The following DCC variants were observed in gnomAD, a reference collection of about 807,000 sequenced individuals.
The protein encoded by DCC is netrin receptor DCC.
In DCC, 58 loss-of-function variants were observed where a neutral mutation model predicts 172.5. The observed-to-expected ratio is 0.34, with a 90% CI of 0.27 to 0.42. The LOEUF is 0.42. DCC is among the 10% of genes least tolerant of loss of function. The probability of loss-of-function intolerance (pLI) is 1.00; values close to 1 mark genes in which losing one functional copy is unlikely to be tolerated. For synonymous variants in DCC, 709 were observed against 644.5 expected (o/e 1.10, Z -1.52); for missense variants, 1,740 against 1,791.0 (o/e 0.97, Z 0.51).
chr18:52,824,458 T>C (rs1046117965), intron 2 of DCC, among the ~76,000 whole-genome samples: 2 of 152,172 alleles, frequency 1.3e-5, no homozygotes, highest in Non-Finnish European at 2.9e-5. Flanking sequence ...TGGGAAGTTA[T>C]GGCAAACATC....
intron 2 of DCC, among the ~76,000 whole-genome samples, chr18:52,782,191 A>G (rs2037557533): frequency 6.6e-6 from 1 of 152,112 alleles, no homozygotes; most frequent in African/African-American, 2.4e-5. Context: ...TAGAGAGAAT[A>G]TTTTCAAAGG....
At chr18:52,669,285 G>A (rs2035509937) in intron 1 of DCC, among the ~76,000 whole-genome samples, 1 of 152,226 alleles carries the variant, frequency 6.6e-6, no homozygotes, top group Non-Finnish European at 1.5e-5. Context: ...GATTTTGGGA[G>A]CAGTTTAGGG....
At chr18:53,184,650 T>C (rs1404098030) in intron 9 of DCC, among the ~76,000 whole-genome samples, 1 of 152,154 alleles carries the variant, frequency 6.6e-6, no homozygotes, top group East Asian at 1.9e-4. Context: ...AGGTAATGCA[T>C]TGCATTAGAA....
intron 2 of DCC, among the ~76,000 whole-genome samples, chr18:52,897,237 C>T (rs2039745039): frequency 6.6e-6 from 1 of 152,160 alleles, no homozygotes; most frequent in African/African-American, 2.4e-5. Context: ...GGACAAACCC[C>T]AAAGATGATT....
At chr18:52,890,847 G>A (rs2039638690) in intron 2 of DCC, among the ~76,000 whole-genome samples, 1 of 152,024 alleles carries the variant, frequency 6.6e-6, no homozygotes, top group Admixed American at 6.6e-5. Context: ...TTGCCTCAAA[G>A]GACACAAACT....
intron 5 of DCC, among the ~76,000 whole-genome samples, chr18:52,980,672 T>C (rs932027390): frequency 6.6e-6 from 1 of 152,116 alleles, no homozygotes; most frequent in Non-Finnish European, 1.5e-5. Context: ...AAGTACTAAA[T>C]ATTATGAAAA....
intron 7 of DCC, among the ~76,000 whole-genome samples, chr18:53,090,984 T>G (rs1009384485): frequency 6.6e-6 from 1 of 151,906 alleles, no homozygotes; most frequent in Non-Finnish European, 1.5e-5. Flanking sequence ...GGCAACTACA[T>G]TGTAACAGAG....
chr18:53,302,782 G>A (rs12968053), intron 12 of DCC, among the ~76,000 whole-genome samples: 21,233 of 151,984 alleles, frequency 0.14, 2,155 homozygotes, highest in African/African-American at 0.28. Flanking sequence ...TTCATGTTCT[G>A]TTGTTTTCTA....
At chr18:53,037,028 T>C (rs1026725470) in intron 5 of DCC, among the ~76,000 whole-genome samples, 1 of 151,952 alleles carries the variant, frequency 6.6e-6, no homozygotes, top group Non-Finnish European at 1.5e-5. Flanking sequence ...AAACATAGAA[T>C]TATTTTCATC....
intron 1 of DCC, among the ~76,000 whole-genome samples, chr18:52,678,157 C>G (rs2144984493): frequency 6.6e-6 from 1 of 152,214 alleles, no homozygotes; most frequent in East Asian, 1.9e-4. Flanking sequence ...AAACTCTGCC[C>G]TCCCTCTCAG....
chr18:53,269,511 T>C (rs2056723165), intron 12 of DCC, among the ~76,000 whole-genome samples: 2 of 152,122 alleles, frequency 1.3e-5, no homozygotes, highest in South Asian at 2.1e-4. Context: ...TTCTCCTGCA[T>C]GCAAAGAATA....
At chr18:53,527,609 G>C (rs1432636330) in intron 28 of DCC, among the ~76,000 whole-genome samples, 1 of 151,606 alleles carries the variant, frequency 6.6e-6, no homozygotes, top group African/African-American at 2.4e-5. Context: ...GACAGAAAAA[G>C]TTTTACTAAG....
chr18:53,378,221 A>T (rs1320750630), intron 15 of DCC, among the ~76,000 whole-genome samples: 1 of 152,140 alleles, frequency 6.6e-6, no homozygotes, highest in African/African-American at 2.4e-5. Context: ...TCAGCCTCCC[A>T]AAGTGCTGGA....
intron 5 of DCC, among the ~76,000 whole-genome samples, chr18:52,988,495 C>T (rs1469447461): frequency 1.3e-5 from 2 of 151,894 alleles, no homozygotes; most frequent in Non-Finnish European, 2.9e-5. Flanking sequence ...TGAGAGACTC[C>T]TCTATTGTGT....
chr18:52,988,315 G>C (rs2041328559), intron 5 of DCC, among the ~76,000 whole-genome samples: 2 of 151,800 alleles, frequency 1.3e-5, no homozygotes, highest in African/African-American at 2.4e-5. Flanking sequence ...ATTAAACAGA[G>C]ATAAAACAAA....
chr18:52,558,130 A>G (rs1239866576), intron 1 of DCC, among the ~76,000 whole-genome samples: 1 of 151,994 alleles, frequency 6.6e-6, no homozygotes, highest in Non-Finnish European at 1.5e-5. Context: ...CAGTTTCTTC[A>G]TGTAGACATA....
chr18:53,089,793 A>G (rs1599120553), intron 7 of DCC, among the ~76,000 whole-genome samples: 1 of 152,136 alleles, frequency 6.6e-6, no homozygotes, highest in African/African-American at 2.4e-5. Context: ...GAATTGTTTC[A>G]TTATCTCAAT....
chr18:53,038,286 A>G (rs1475527278), intron 5 of DCC, among the ~76,000 whole-genome samples: 1 of 151,970 alleles, frequency 6.6e-6, no homozygotes, highest in South Asian at 2.1e-4. Context: ...TACATATGTA[A>G]TAATTACTAT....
intron 1 of DCC, among the ~76,000 whole-genome samples, chr18:52,423,866 A>G (rs1221496969): frequency 2.6e-5 from 4 of 152,180 alleles, no homozygotes; most frequent in African/African-American, 4.8e-5. Context: ...GAAGATTAAT[A>G]TGTTATGAGT....
Sources: gnomAD v4.1 joint callset for allele counts (sites outside exome capture counted in the v4.1 genomes callset) on GRCh38, gnomAD v4.1.1 for gene constraint, MANE v1.5 for transcripts, NCBI Gene and HGNC (gene_info 2026-07-23, HGNC 2026-07-21) for gene names.